The following LYPD8 variants were observed in gnomAD, a reference collection of about 807,000 sequenced individuals.
The protein encoded by LYPD8 is LY6/PLAUR domain containing 8, also known as ly6/PLAUR domain-containing protein 8.
A neutral mutation model predicts 1.7 loss-of-function variants in LYPD8; 8 were observed. The observed-to-expected ratio is 4.58, with a 90% CI of 2.69 to 8.27. The LOEUF (loss-of-function observed/expected upper bound fraction) is 8.27. Among genes scored for constraint, LYPD8 ranks in the 30% most tolerant of loss-of-function variants. The pLI is 0.00. For missense variants in LYPD8, 112 were observed against 102.3 expected (o/e 1.09, Z -0.41); for synonymous variants, 50 against 43.6 (o/e 1.15, Z -0.58).
rs1295557503 is a variant in LYPD8 at position 248,739,874 on chromosome 1, G to A, written c.476-25C>T. ...TCTGTGAATGCAAAGGAGACAGGAG[G>A]GACGCCACTCAGTCCTTTGTCCTTC... On this transcript the variant is annotated intron_variant, in intron 6 of 6. Transcript: ENST00000590317. The surrounding 1 kb of genome is among the most constrained non-coding windows in gnomAD (Gnocchi z 4.3). 2 of 1,551,138 alleles carry A rather than the reference G, an allele frequency of 1.3e-6. No individual in the cohort carries two copies. Among genetic ancestry groups the A allele is most frequent in the African/African-American group, 1.4e-5 (1 of 73,054 alleles).
In LYPD8 at chr1:248,739,935, C is replaced by T. The variant is rs182876087; in HGVS notation, c.476-86G>A. The T allele has an allele frequency of 7.7e-4, 1,162 of 1,502,528 alleles. 18 individuals carry two copies. The highest frequency in any genetic ancestry group is 1.1e-4 in the Non-Finnish European group (118 of 1,118,358). The allele number at this position is 1,502,528 out of a possible 1,614,324, so 93.1% of individuals were successfully genotyped here. ...TGCTCTTAGTTCTTCACCTGCAGCA[C>T]GGTGGCCCGGTGACCAGCAAGAGCT... On this transcript the variant is annotated intron_variant, in intron 6 of 6. Coordinates refer to ENST00000590317, the MANE Select transcript of LYPD8 (RefSeq NM_001085474.2). The surrounding 1 kb of genome is among the most constrained non-coding windows in gnomAD (Gnocchi z 4.3).
At chr1:248,744,565 A>G (rs1553283971) in intron 6 of LYPD8, among the ~76,000 whole-genome samples, 1 of 151,886 alleles carries the variant, frequency 6.6e-6, no homozygotes, top group East Asian at 1.9e-4. Flanking sequence ...TGGATCTCAC[A>G]ATGGGTAGCG....
chr1:248,739,979 A>C lies in LYPD8; in HGVS notation c.476-130T>G. On this transcript the variant is annotated intron_variant, in intron 6 of 6. Transcript: ENST00000590317. The surrounding 1 kb of genome is among the most constrained non-coding windows in gnomAD (Gnocchi z 4.3). ...AAGAGCTGGTGTGCTCCTGAAGCCCAGGCAGGAAGAAGGAGCCTGCGTGTT... is the reference window on the plus strand; with the variant it reads ...AAGAGCTGGTGTGCTCCTGAAGCCCCGGCAGGAAGAAGGAGCCTGCGTGTT... The C allele has an allele frequency of 8.2e-7, 1 of 1,224,872 alleles. No individual in the cohort carries two copies. Among genetic ancestry groups the C allele is most frequent in the Non-Finnish European group, 1.1e-6 (1 of 889,544 alleles). The allele number at this position is 1,224,872 out of a possible 1,614,324, so 75.9% of individuals were successfully genotyped here. A position where few individuals can be genotyped will look rare whatever the true frequency, so the allele number is the denominator to read the frequency against.
At chr1:248,745,647 A>T (rs1407528239) in intron 5 of LYPD8, among the ~76,000 whole-genome samples, 1 of 152,244 alleles carries the variant, frequency 6.6e-6, no homozygotes, top group East Asian at 1.9e-4. Flanking sequence ...GAACAAATGA[A>T]CACAGGCCAC....
chr1:248,751,589 G>GA (rs1662803716), intron 2 of LYPD8, among the ~76,000 whole-genome samples: 2 of 152,036 alleles, frequency 1.3e-5, no homozygotes, highest in South Asian at 4.2e-4. Flanking sequence ...GACAGCTATT[G>GA]AGCACTTACT....
At chr1:248,752,681 A>C (rs1662823708) in intron 2 of LYPD8, among the ~76,000 whole-genome samples, 1 of 121,878 alleles carries the variant, frequency 8.2e-6, no homozygotes, top group African/African-American at 3.2e-5. Flanking sequence ...CACCACACAC[A>C]CACCACACCC....
intron 5 of LYPD8, among the ~76,000 whole-genome samples, chr1:248,745,838 C>T (rs923989917): frequency 2.6e-5 from 4 of 152,198 alleles, no homozygotes; most frequent in Non-Finnish European, 5.9e-5. Context: ...AGCCTTGAGT[C>T]CCTGAGACCC....
At chr1:248,750,949 G>A (rs1296797525) in intron 3 of LYPD8, 81 bp downstream of exon 3, 16 of 398,422 alleles carry the variant, frequency 4.0e-5, no homozygotes, top group Non-Finnish European at 5.8e-5. Context: ...TGAGGCCCTC[G>A]GGGATTTGAG....
At chr1:248,740,379 G>A (rs527310157) in intron 6 of LYPD8, among the ~76,000 whole-genome samples, 3 of 152,330 alleles carry the variant, frequency 2.0e-5, no homozygotes, top group South Asian at 2.1e-4. Context: ...AAGAGACCAC[G>A]GCATGTCTCT....
intron 2 of LYPD8, among the ~76,000 whole-genome samples, chr1:248,754,957 A>T (rs1212462870): frequency 1.3e-5 from 2 of 151,440 alleles, no homozygotes; most frequent in African/African-American, 4.9e-5. Context: ...CAGGTCTTAC[A>T]GTGTGATGGA....
At chr1:248,745,439 A>C (rs1447390923) in intron 5 of LYPD8, among the ~76,000 whole-genome samples, 160 bp from the exon 6 acceptor site, 1 of 152,182 alleles carries the variant, frequency 6.6e-6, no homozygotes, top group Admixed American at 6.5e-5. Flanking sequence ...TCTCCTCAAA[A>C]TATTTACTAC....
intron 4 of LYPD8, among the ~76,000 whole-genome samples, 177 bp from the exon 5 acceptor site, chr1:248,748,630 G>C (rs1662750530): frequency 6.6e-6 from 1 of 152,166 alleles, no homozygotes; most frequent in Non-Finnish European, 1.5e-5. Context: ...CTTCCCATCG[G>C]GTAACCCCTC....
chr1:248,748,757 G>A (rs1662752633), intron 4 of LYPD8, among the ~76,000 whole-genome samples: 1 of 152,198 alleles, frequency 6.6e-6, no homozygotes. Context: ...AGTCTTAAGA[G>A]CTGTAAAAAT....
Position 248,739,940 on chromosome 1 carries a change from GC to G in LYPD8, c.476-92del. On this transcript the variant is annotated intron_variant, in intron 6 of 6. Transcript: ENST00000590317. The surrounding 1 kb of genome is among the most constrained non-coding windows in gnomAD (Gnocchi z 4.3). ...TTAGTTCTTCACCTGCAGCACGGTGGCCCGGTGACCAGCAAGAGCTGGTGTG... is the reference window on the plus strand; with the variant it reads ...TTAGTTCTTCACCTGCAGCACGGTGGCCGGTGACCAGCAAGAGCTGGTGTG... 6.7e-7 allele frequency: 1 copy of G among 1,496,486 alleles called. No homozygotes were observed. Among genetic ancestry groups the G allele is most frequent in the Non-Finnish European group, 9.0e-7 (1 of 1,113,766 alleles). The allele number at this position is 1,496,486 out of a possible 1,614,324, so 92.7% of individuals were successfully genotyped here. A position where few individuals can be genotyped will look rare whatever the true frequency, so the allele number is the denominator to read the frequency against.
At chr1:248,746,478 C>A (rs1348827241) in intron 5 of LYPD8, among the ~76,000 whole-genome samples, 4 of 152,220 alleles carry the variant, frequency 2.6e-5, no homozygotes, top group Admixed American at 6.5e-5. Flanking sequence ...CTTGAGATGT[C>A]CACCCAAGGG....
Position 248,743,165 on chromosome 1 carries a change from C to A in LYPD8, c.475+1977G>T, listed in dbSNP as rs1662648037. Among the ~76,000 whole-genome samples, 5 of 152,104 alleles carry A rather than the reference C, an allele frequency of 3.3e-5. No individual in the cohort carries two copies. The South Asian group carries it at 1.0e-3, about 32-fold the overall frequency. Reference sequence around the variant, plus strand: ...AAAAAAATGTGTATTTAAAAAAAAACAGTATAAAGAGGTTCGGGGCTGGGT... The same window carrying A: ...AAAAAAATGTGTATTTAAAAAAAAAAAGTATAAAGAGGTTCGGGGCTGGGT... On this transcript the variant is annotated intron_variant, in intron 6 of 6. Transcript: ENST00000590317.
intron 6 of LYPD8, among the ~76,000 whole-genome samples, chr1:248,742,988 G>A (rs1377637204): frequency 7.8e-6 from 1 of 127,664 alleles, no homozygotes; most frequent in Admixed American, 7.7e-5. Context: ...GTTGGCAGCC[G>A]GGGGAGGTTA....
chr1:248,753,057 ACC>A (rs1318892312), intron 2 of LYPD8, among the ~76,000 whole-genome samples: 6 of 66,918 alleles, frequency 9.0e-5, no homozygotes, highest in South Asian at 5.4e-4. Flanking sequence ...TCACACACAC[ACC>A]CCACACACCC....
chr1:248,745,933 A>C (rs1662720595), intron 5 of LYPD8, among the ~76,000 whole-genome samples: 1 of 152,240 alleles, frequency 6.6e-6, no homozygotes. Context: ...TCTCTTGTGA[A>C]TGTAAAGTGG....
Sources: allele counts gnomAD v4.1 joint callset (sites outside exome capture counted in the v4.1 genomes callset), GRCh38; gene constraint gnomAD v4.1.1; non-coding constraint Gnocchi (gnomAD v3.1); transcripts MANE v1.5; gene names NCBI Gene and HGNC (gene_info 2026-07-23, HGNC 2026-07-21).